Variants in CAPN8 observed in about 807,000 individuals in gnomAD.
CAPN8 encodes calpain 8, also known as calpain-8.
A neutral mutation model predicts 80.9 loss-of-function variants in CAPN8; 87 were observed. The ratio of observed to expected loss-of-function variants is 1.07; its 90% CI spans 0.90 to 1.28. The LOEUF is 1.28. Ranked by LOEUF, CAPN8 falls within the 50% of genes most tolerant of loss-of-function variation. CAPN8 has a pLI of 0.00. For missense variants in CAPN8, 757 were observed against 702.0 expected, an observed-to-expected ratio of 1.08 and a Z score of -0.89; for synonymous variants, 299 against 273.8, an observed-to-expected ratio of 1.09 and a Z score of -0.91.
chr1:223,627,230 A>G (rs1657615218), intron 4 of CAPN8, 73 bp from the exon 5 acceptor site: 12 of 1,485,244 alleles, frequency 8.1e-6, no homozygotes, highest in African/African-American at 1.4e-5. Flanking sequence ...GGACCGGGAC[A>G]GTGCTAGGAC....
chr1:223,613,039 C>A (rs200660209), intron 10 of CAPN8, among the ~76,000 whole-genome samples: 1 of 152,108 alleles, frequency 6.6e-6, no homozygotes, highest in Non-Finnish European at 1.5e-5. Flanking sequence ...AGAGTAGAAG[C>A]TTTCCCATGC....
Position 223,619,405 on chromosome 1 carries a change from G to A in CAPN8, c.1023C>T (p.Cys341=). Residue 341 remains cysteine, a synonymous_variant, in exon 9 of 21, where the codon TGC becomes TGT. Transcript: ENST00000366872. ...FVRQFSRLEI[C]NLSPDSLSSE... ...TACTCAGAGAGTCCGGGGACAGGTT[G>A]CAGATCTCCAACCGAGAGAACTGCC... 6.4e-7 allele frequency: 1 copy of A among 1,551,684 alleles called. No individual in the cohort carries two copies. Among genetic ancestry groups the A allele is most frequent in the South Asian group, 1.2e-5 (1 of 84,048 alleles).
chr1:223,613,724 C>T (rs74820877), intron 10 of CAPN8, among the ~76,000 whole-genome samples: 4,148 of 152,318 alleles, frequency 0.027, 83 homozygotes, highest in East Asian at 0.052. Context: ...TCTTTGGAGG[C>T]ACCTGGCTGC....
At chr1:223,543,002 A>T in intron 20 of CAPN8, 106 bp downstream of exon 20, 1 of 1,277,434 alleles carries the variant, frequency 7.8e-7, no homozygotes, top group Middle Eastern at 1.9e-4. Context: ...TGGTATTCAC[A>T]TGGAACTAAG....
chr1:223,643,854 C>G (rs575503910), intron 2 of CAPN8, among the ~76,000 whole-genome samples: 2 of 152,154 alleles, frequency 1.3e-5, no homozygotes, highest in East Asian at 1.9e-4. Context: ...ACGGTAAACC[C>G]GTCCTAACCT....
At chr1:223,654,280 T>A in intron 2 of CAPN8, 50 bp downstream of exon 2, 1 of 1,489,098 alleles carries the variant, frequency 6.7e-7, no homozygotes, top group Non-Finnish European at 9.2e-7. Context: ...TCATGACACA[T>A]ACACACCCGC....
At chr1:223,646,140 G>C (rs1201186439) in intron 2 of CAPN8, among the ~76,000 whole-genome samples, 3 of 152,222 alleles carry the variant, frequency 2.0e-5, no homozygotes, top group Non-Finnish European at 4.4e-5. Context: ...CGGTGACACA[G>C]CAACCACAGG....
chr1:223,631,969 C>G (rs929720771), intron 2 of CAPN8, among the ~76,000 whole-genome samples: 1 of 152,162 alleles, frequency 6.6e-6, no homozygotes, highest in Non-Finnish European at 1.5e-5. Flanking sequence ...AAGCTTCTTC[C>G]GACAGCCCAC....
chr1:223,654,763 C>T (rs1034607038), intron 1 of CAPN8, among the ~76,000 whole-genome samples: 1 of 152,090 alleles, frequency 6.6e-6, no homozygotes. Context: ...GCAACCTCCG[C>T]CTCCCGGATT....
chr1:223,614,376 G>T (rs79178765), intron 10 of CAPN8, among the ~76,000 whole-genome samples: 4,733 of 151,444 alleles, frequency 0.031, 184 homozygotes, highest in African/African-American at 0.091. Flanking sequence ...CTCCAGCCTG[G>T]GCGACATAGT....
chr1:223,654,822 C>A (rs921117376), intron 1 of CAPN8, among the ~76,000 whole-genome samples: 1 of 150,440 alleles, frequency 6.6e-6, no homozygotes, highest in Non-Finnish European at 1.5e-5. Flanking sequence ...ATTACAGGCA[C>A]GTGCCACCAC....
Position 223,609,261 on chromosome 1 carries a change from C to G in CAPN8, c.1427G>C (p.Arg476Pro), listed in dbSNP as rs1365973871. The change falls in exon 12 of 21, where the codon CGG becomes CCG. Residue 476 changes from arginine to proline, a missense_variant. Coordinates refer to ENST00000366872, the MANE Select transcript of CAPN8 (RefSeq NM_001143962.2). ...TYVNLREVSGRARLPPGEYLV... is the reference protein window; with the variant it reads ...TYVNLREVSGPARLPPGEYLV... ...GTACTCCCCAGGGGGCAGCCGGGCCCGGCCAGAGACCTCCCGCAGGTTGAC... is the reference window on the plus strand; with the variant it reads ...GTACTCCCCAGGGGGCAGCCGGGCCGGGCCAGAGACCTCCCGCAGGTTGAC... 1 of 398,378 alleles carries G rather than the reference C, an allele frequency of 2.5e-6. No homozygotes were observed. The highest frequency in any genetic ancestry group is 4.4e-5 in the Admixed American group (1 of 22,704). 24.7% of individuals were successfully genotyped at this position (398,378 alleles called of 1,614,324 possible).
chr1:223,557,316 A>T (rs2102694960), intron 13 of CAPN8, among the ~76,000 whole-genome samples: 1 of 5,366 alleles, frequency 1.9e-4, no homozygotes, highest in Admixed American at 1.7e-3. Context: ...ACCTCCATTC[A>T]GCCGAAGATG....
chr1:223,543,019 A>C (rs1254766856), intron 20 of CAPN8, 89 bp downstream of exon 20: 2 of 1,442,598 alleles, frequency 1.4e-6, no homozygotes, highest in Non-Finnish European at 1.9e-6. Flanking sequence ...TAAGACAGCC[A>C]ACAGGAATAA....
chr1:223,650,573 G>C (rs1658319586), intron 2 of CAPN8, among the ~76,000 whole-genome samples: 1 of 152,212 alleles, frequency 6.6e-6, no homozygotes, highest in Non-Finnish European at 1.5e-5. Context: ...GATCCTGTCT[G>C]CCATGGAAGA....
In CAPN8 at chr1:223,642,787, C is replaced by T. The variant is rs1034524004; in HGVS notation, c.307+11543G>A. 2.4e-5 allele frequency: 11 copies of T among 456,106 alleles called. No homozygotes were observed. In the Admixed American group the frequency reaches 2.6e-4, roughly 11 times the overall value. The allele number at this position is 456,106 out of a possible 1,614,324, so 28.3% of individuals were successfully genotyped here. A position where few individuals can be genotyped will look rare whatever the true frequency, so the allele number is the denominator to read the frequency against. ...TGTTCAGATTATTTCAGAGTTCCTC[C>T]TAGTTGCTTCTGAAGCCCACCAGGC... On this transcript the variant is annotated intron_variant, in intron 2 of 20. Transcript: ENST00000366872.
intron 6 of CAPN8, among the ~76,000 whole-genome samples, chr1:223,624,006 A>G (rs538828526): frequency 7.4e-4 from 111 of 150,680 alleles, no homozygotes; most frequent in African/African-American, 2.6e-3. Context: ...CTGAAAAAAA[A>G]AAAAAAGAAA....
chr1:223,549,847 G>A (rs1303498995), intron 15 of CAPN8, among the ~76,000 whole-genome samples: 1 of 152,160 alleles, frequency 6.6e-6, no homozygotes, highest in Non-Finnish European at 1.5e-5. Context: ...TATAAGCACT[G>A]CACATCTACT....
chr1:223,633,123 T>A (rs948331770), intron 2 of CAPN8, among the ~76,000 whole-genome samples: 2 of 152,216 alleles, frequency 1.3e-5, no homozygotes, highest in Admixed American at 6.5e-5. Flanking sequence ...AGTTTTCTTA[T>A]TATAAAAGAA....
Sources: gnomAD v4.1 joint callset for allele counts (sites outside exome capture counted in the v4.1 genomes callset) on GRCh38, gnomAD v4.1.1 for gene constraint, MANE v1.5 for transcripts, NCBI Gene and HGNC (gene_info 2026-07-23, HGNC 2026-07-21) for gene names.